MAN1C1: variants seen among roughly 807,000 people sequenced by gnomAD.
The protein encoded by MAN1C1 is mannosyl-oligosaccharide 1,2-alpha-mannosidase IC.
Under a neutral mutation model 71.5 loss-of-function variants are expected in MAN1C1, and 49 were observed. The ratio of observed to expected loss-of-function variants is 0.69; its 90% CI spans 0.54 to 0.87. MAN1C1 has a LOEUF of 0.87. Ranked by LOEUF, MAN1C1 falls within the 40% of genes least tolerant of loss-of-function variation. The probability of loss-of-function intolerance (pLI) is 0.00; values close to 1 mark genes in which losing one functional copy is unlikely to be tolerated. For missense variants in MAN1C1, 743 were observed against 835.0 expected, an observed-to-expected ratio of 0.89 and a Z score of 1.36; for synonymous variants, 352 against 343.7, an observed-to-expected ratio of 1.02 and a Z score of -0.27.
At chr1:25,706,742 A>G (rs1037879124) in intron 2 of MAN1C1, among the ~76,000 whole-genome samples, 5 of 152,200 alleles carry the variant, frequency 3.3e-5, no homozygotes, top group Non-Finnish European at 4.4e-5. Flanking sequence ...TGCACAGACT[A>G]CTCACCTGCA....
intron 1 of MAN1C1, among the ~76,000 whole-genome samples, chr1:25,685,514 C>A (rs981774887): frequency 6.6e-6 from 1 of 152,192 alleles, no homozygotes; most frequent in Non-Finnish European, 1.5e-5. Context: ...GGCTGCAGCG[C>A]AGGGTTGGGG....
chr1:25,758,937 A>G lies in MAN1C1; in HGVS notation c.1047+228A>G. On this transcript the variant is annotated intron_variant, in intron 6 of 11. Transcript: ENST00000374332. Reference sequence around the variant, plus strand: ...GTCAATAAGATTCTACAGAGGGAAAAGGAGAGACAAGATTCTGCCGGGGAA... The same window carrying G: ...GTCAATAAGATTCTACAGAGGGAAAGGGAGAGACAAGATTCTGCCGGGGAA... The G allele has an allele frequency of 1.2e-5, 6 of 521,454 alleles. No homozygotes were observed. The South Asian group carries it at 1.2e-4, about 10-fold the overall frequency. The allele number at this position is 521,454 out of a possible 1,614,324, so 32.3% of individuals were successfully genotyped here.
At position 25,753,483 on chromosome 1, in the gene MAN1C1, G is replaced by A; in HGVS notation, c.835-1G>A. ...AAGCCCTTTGATCCCCTCCTTTACAGGTGTTCCGAATAAAGGCCATCAGGC... is the reference window on the plus strand; with the variant it reads ...AAGCCCTTTGATCCCCTCCTTTACAAGTGTTCCGAATAAAGGCCATCAGGC... On this transcript the variant is annotated splice_acceptor_variant, in intron 4 of 11. Transcript: ENST00000374332. LOFTEE classifies it high-confidence loss of function. This position sits in a 1 kb window ranked among gnomAD's most constrained non-coding sequence, Gnocchi z 4.9. 1 of 1,612,436 alleles carries A rather than the reference G, an allele frequency of 6.2e-7. No homozygotes were observed.
chr1:25,641,877 T>A (rs746755077), intron 1 of MAN1C1, among the ~76,000 whole-genome samples: 1 of 152,216 alleles, frequency 6.6e-6, no homozygotes, highest in Non-Finnish European at 1.5e-5. Flanking sequence ...GCCATGAATT[T>A]ATTAAAACTT....
Position 25,773,079 on chromosome 1 carries a change from A to G in MAN1C1, c.1257+1307A>G, listed in dbSNP as rs144246795. On this transcript the variant is annotated intron_variant, in intron 8 of 11. Transcript: ENST00000374332. Reference sequence around the variant, plus strand: ...CAGGCACATATTTGTTTACTTGCTCATTCTCTATCTTCCCCAAATAGAATA... The same window carrying G: ...CAGGCACATATTTGTTTACTTGCTCGTTCTCTATCTTCCCCAAATAGAATA... 2.0e-3 allele frequency among the ~76,000 whole-genome samples: 300 copies of G among 152,338 alleles called. 1 individual carries two copies. The highest frequency in any genetic ancestry group is 6.9e-3 in the African/African-American group (287 of 41,576).
chr1:25,691,058 C>T (rs777458925), intron 2 of MAN1C1, among the ~76,000 whole-genome samples: 25 of 152,086 alleles, frequency 1.6e-4, no homozygotes, highest in Admixed American at 1.4e-3. Flanking sequence ...GGCTTACACC[C>T]GTAGTCCCAG....
chr1:25,768,430 ACACACTCCCCTCACACACATC>A (rs1485566100), intron 7 of MAN1C1, among the ~76,000 whole-genome samples: 2 of 93,906 alleles, frequency 2.1e-5, no homozygotes, highest in African/African-American at 8.5e-5. Context: ...ACACACAATT[ACACACTCCCCTCACACACATC>A]CACACTCCCC....
rs2046891928 is a variant in MAN1C1 at position 25,730,334 on chromosome 1, C to T, written c.638-16334C>T. Among the ~76,000 whole-genome samples the T allele has an allele frequency of 6.6e-6, 1 of 152,098 alleles. No individual in the cohort carries two copies. The highest frequency in any genetic ancestry group is 1.5e-5 in the Non-Finnish European group (1 of 68,022). Reference sequence around the variant, plus strand: ...CACGATGGCTTTTTAATGATTTGAGCTGTGCCTTCTGTGAATTGACAAAAA... The same window carrying T: ...CACGATGGCTTTTTAATGATTTGAGTTGTGCCTTCTGTGAATTGACAAAAA... On this transcript the variant is annotated intron_variant, in intron 2 of 11. Coordinates refer to ENST00000374332, the MANE Select transcript of MAN1C1 (RefSeq NM_020379.4). The surrounding 1 kb of genome is among the most constrained non-coding windows in gnomAD (Gnocchi z 4.3).
At chr1:25,681,633 T>C (rs2046156203) in intron 1 of MAN1C1, among the ~76,000 whole-genome samples, 1 of 152,210 alleles carries the variant, frequency 6.6e-6, no homozygotes, top group Non-Finnish European at 1.5e-5. Context: ...ACCTGCTGCA[T>C]TAACTTTTCT....
Position 25,643,248 on chromosome 1 carries a change from TAA to T in MAN1C1, c.540+24912_540+24913del, listed in dbSNP as rs1491495005. ...CCTCCCTTTTAATTAATTAATTAAT[TAA>T]TTAATTTATTTACTTACCTTTGAAA... On this transcript the variant is annotated intron_variant, in intron 1 of 11. Transcript: ENST00000374332. Among the ~76,000 whole-genome samples the T allele has an allele frequency of 4.6e-3, 571 of 123,660 alleles. 4 individuals are homozygous for T. The highest frequency in any genetic ancestry group is 0.019 in the African/African-American group (486 of 25,486). 81.1% of individuals were successfully genotyped at this position (123,660 alleles called of 152,430 possible).
chr1:25,754,676 G>A (rs978469374), intron 5 of MAN1C1, among the ~76,000 whole-genome samples: 15 of 150,098 alleles, frequency 1.0e-4, no homozygotes, highest in African/African-American at 3.6e-4. Context: ...CTGTCATGAA[G>A]CCCAGACACA....
At chr1:25,743,194 G>A (rs1320811529) in intron 2 of MAN1C1, among the ~76,000 whole-genome samples, 1 of 152,174 alleles carries the variant, frequency 6.6e-6, no homozygotes, top group Non-Finnish European at 1.5e-5. Context: ...TTGAACGCGG[G>A]GCTGCTGATT....
At chr1:25,731,994 G>A (rs1209809941) in intron 2 of MAN1C1, among the ~76,000 whole-genome samples, 2 of 152,184 alleles carry the variant, frequency 1.3e-5, no homozygotes, top group Non-Finnish European at 2.9e-5. Flanking sequence ...GCTACCATCT[G>A]TCAGAGAAAA....
chr1:25,623,460 G>C (rs572956434), intron 1 of MAN1C1, among the ~76,000 whole-genome samples: 11 of 151,918 alleles, frequency 7.2e-5, no homozygotes, highest in South Asian at 2.1e-4. Context: ...GTGGTGGGGG[G>C]GGGTAAGAAT....
chr1:25,658,645 G>A (rs2045803168), intron 1 of MAN1C1: 1 of 152,116 alleles, frequency 6.6e-6, no homozygotes, highest in Non-Finnish European at 1.5e-5. Flanking sequence ...GTAGAGACAA[G>A]GGTTTCACCA....
chr1:25,729,096 A>G (rs1346464223), intron 2 of MAN1C1, among the ~76,000 whole-genome samples: 2 of 152,132 alleles, frequency 1.3e-5, no homozygotes, highest in Non-Finnish European at 2.9e-5. Flanking sequence ...GTGGCTCCTC[A>G]TGGCCCTCAA....
chr1:25,625,468 A>G (rs1219435963), intron 1 of MAN1C1, among the ~76,000 whole-genome samples: 1 of 152,172 alleles, frequency 6.6e-6, no homozygotes, highest in Non-Finnish European at 1.5e-5. Context: ...CCCCTATCAC[A>G]GTCTTGATTT....
chr1:25,722,254 G>A (rs1274022593), intron 2 of MAN1C1, among the ~76,000 whole-genome samples: 1 of 152,144 alleles, frequency 6.6e-6, no homozygotes, highest in Admixed American at 6.5e-5. Flanking sequence ...ATATACCTCA[G>A]TGTAGGTCTC....
chr1:25,691,171 G>T (rs1050713214), intron 2 of MAN1C1, among the ~76,000 whole-genome samples: 19 of 152,250 alleles, frequency 1.2e-4, no homozygotes, highest in African/African-American at 3.6e-4. Flanking sequence ...ACAAAAATTA[G>T]CTGGACGTGG....
Sources: gnomAD v4.1 joint callset for allele counts (sites outside exome capture counted in the v4.1 genomes callset) on GRCh38, gnomAD v4.1.1 for gene constraint, Gnocchi (gnomAD v3.1) non-coding constraint, MANE v1.5 for transcripts, NCBI Gene and HGNC (gene_info 2026-07-23, HGNC 2026-07-21) for gene names.